The following CHODL variants were observed in gnomAD, a reference collection of about 807,000 sequenced individuals.
The protein encoded by CHODL is transmembrane protein MT75.
CHODL carries 29 observed loss-of-function variants against 34.5 expected under a neutral mutation model. That is an observed-to-expected ratio of 0.84 (90% CI 0.63 to 1.15). CHODL has a LOEUF of 1.15. Ranked by LOEUF, CHODL falls within the 50% of genes most tolerant of loss-of-function variation. CHODL has a pLI of 0.00. For synonymous variants in CHODL, 125 were observed against 116.1 expected, an observed-to-expected ratio of 1.08 and a Z score of -0.49; for missense variants, 332 against 332.5, an observed-to-expected ratio of 1.00 and a Z score of 0.01.
At chr21:18,143,003 T>C (rs2072821050) in intron 2 of CHODL, among the ~76,000 whole-genome samples, 1 of 152,202 alleles carries the variant, frequency 6.6e-6, no homozygotes, top group African/African-American at 2.4e-5. Context: ...AGCTATAGTT[T>C]AGATTCCACT....
chr21:18,239,646 T>C (rs1442198150), intron 2 of CHODL, among the ~76,000 whole-genome samples: 1 of 152,106 alleles, frequency 6.6e-6, no homozygotes, highest in South Asian at 2.1e-4. Flanking sequence ...TCCCTTTTAG[T>C]AAAATAAAAC....
intron 1 of CHODL, among the ~76,000 whole-genome samples, chr21:18,006,864 A>T (rs1376333479): frequency 1.3e-5 from 2 of 152,242 alleles, no homozygotes; most frequent in Non-Finnish European, 2.9e-5. Flanking sequence ...TTCTTGAAGC[A>T]CTTAAGCAGC....
intron 2 of CHODL, among the ~76,000 whole-genome samples, chr21:18,079,431 T>C (rs1403903424): frequency 6.8e-6 from 1 of 147,542 alleles, no homozygotes; most frequent in Non-Finnish European, 1.5e-5. Context: ...TAGAATATTA[T>C]ATATCACACA....
chr21:18,126,619 CA>C (rs2065548103), intron 2 of CHODL, among the ~76,000 whole-genome samples: 1 of 149,196 alleles, frequency 6.7e-6, no homozygotes, highest in African/African-American at 2.5e-5. Flanking sequence ...GCATCTTCTT[CA>C]GGGGCACTTC....
intron 2 of CHODL, among the ~76,000 whole-genome samples, chr21:18,212,352 A>C (rs1387649545): frequency 6.6e-6 from 1 of 152,166 alleles, no homozygotes; most frequent in Non-Finnish European, 1.5e-5. Context: ...TGAACCACAC[A>C]TCATAGTTTG....
chr21:18,038,168 T>C (rs2064333012), intron 2 of CHODL, among the ~76,000 whole-genome samples: 1 of 151,720 alleles, frequency 6.6e-6, no homozygotes, highest in Non-Finnish European at 1.5e-5. Flanking sequence ...CTAAATGTCA[T>C]AATGAAATGA....
Position 18,194,794 on chromosome 21 carries a change from C to T in CHODL, c.-44-61715C>T, listed in dbSNP as rs138209620. 4.3e-4 allele frequency among the ~76,000 whole-genome samples: 65 copies of T among 151,824 alleles called. 1 individual carries two copies. The East Asian group carries it at 6.4e-3, about 15-fold the overall frequency. On this transcript the variant is annotated intron_variant, in intron 2 of 6. Coordinates refer to the CHODL transcript ENST00000400127. ...TTAAGATCTATTCCTTAGGAATTTT[C>T]GAGTATTCAATACATTATTTTTTCT...
intron 1 of CHODL, among the ~76,000 whole-genome samples, chr21:17,919,550 G>A (rs191459566): frequency 1.7e-3 from 260 of 152,144 alleles, no homozygotes; most frequent in African/African-American, 6.0e-3. Flanking sequence ...CCTAGGTCTG[G>A]CCCACGAAAC....
intron 1 of CHODL, among the ~76,000 whole-genome samples, chr21:17,943,185 A>G (rs1405045700): frequency 2.0e-5 from 3 of 152,344 alleles, no homozygotes; most frequent in Admixed American, 1.3e-4. Context: ...TGACTTTAGT[A>G]ATGAAGATTA....
intron 1 of CHODL, among the ~76,000 whole-genome samples, chr21:17,927,160 G>GTA (rs61103356): frequency 0.053 from 3,617 of 67,934 alleles, 230 homozygotes; most frequent in African/African-American, 0.13. Context: ...GTATATATAT[G>GTA]TATATATGTA....
chr21:17,985,006 A>C (rs562590185), intron 1 of CHODL, among the ~76,000 whole-genome samples: 1 of 152,270 alleles, frequency 6.6e-6, no homozygotes, highest in Non-Finnish European at 1.5e-5. Context: ...CAATAAGGAA[A>C]GTTTCTGTTT....
chr21:18,108,234 G>C (rs1001011138), intron 2 of CHODL, among the ~76,000 whole-genome samples: 2 of 151,812 alleles, frequency 1.3e-5, no homozygotes, highest in African/African-American at 2.4e-5. Context: ...GGTCACGGTT[G>C]CATATTTAGG....
intron 2 of CHODL, among the ~76,000 whole-genome samples, chr21:18,180,190 T>A (rs2073365463): frequency 6.6e-6 from 1 of 152,194 alleles, no homozygotes; most frequent in African/African-American, 2.4e-5. Context: ...TTTTGCTGTG[T>A]CACCAAGGCT....
intron 2 of CHODL, among the ~76,000 whole-genome samples, chr21:18,229,249 T>C (rs1477077616): frequency 3.9e-5 from 6 of 152,198 alleles, no homozygotes; most frequent in Non-Finnish European, 7.4e-5. Flanking sequence ...CTCATGAACT[T>C]GTGTATTCGT....
intron 2 of CHODL, among the ~76,000 whole-genome samples, chr21:18,185,437 G>C (rs1255780751): frequency 6.6e-6 from 1 of 152,110 alleles, no homozygotes; most frequent in Admixed American, 6.5e-5. Context: ...GAGCATCTGG[G>C]TTGGGTCCAA....
chr21:18,101,818 A>G (rs919273662), intron 2 of CHODL, among the ~76,000 whole-genome samples: 59 of 152,150 alleles, frequency 3.9e-4, no homozygotes, highest in African/African-American at 1.3e-3. Context: ...CTCCTTGAAA[A>G]ATGAGAGAAA....
intron 2 of CHODL, among the ~76,000 whole-genome samples, chr21:18,229,131 C>T (rs1331268268): frequency 6.6e-6 from 1 of 152,010 alleles, no homozygotes; most frequent in Non-Finnish European, 1.5e-5. Context: ...TATGATGGAG[C>T]ATATAAAATA....
At chr21:17,939,805 A>G (rs555535145) in intron 1 of CHODL, among the ~76,000 whole-genome samples, 7 of 152,344 alleles carry the variant, frequency 4.6e-5, no homozygotes, top group African/African-American at 1.4e-4. Flanking sequence ...CAAACAAGGT[A>G]GTTTCTCATG....
At chr21:18,060,228 G>T (rs999972265) in intron 2 of CHODL, among the ~76,000 whole-genome samples, 3 of 152,016 alleles carry the variant, frequency 2.0e-5, no homozygotes, top group Non-Finnish European at 4.4e-5. Context: ...ACCAAAGCAG[G>T]CAGATCGCTT....
Sources: allele counts gnomAD v4.1 joint callset (sites outside exome capture counted in the v4.1 genomes callset), GRCh38; gene constraint gnomAD v4.1.1; transcripts MANE v1.5; gene names NCBI Gene and HGNC (gene_info 2026-07-23, HGNC 2026-07-21).